The following SLC2A9 variants were observed in gnomAD, a reference collection of about 807,000 sequenced individuals.
SLC2A9 encodes the protein solute carrier family 2 member 9, also known as solute carrier family 2, facilitated glucose transporter member 9.
In SLC2A9, 39 loss-of-function variants were observed where a neutral mutation model predicts 50.6. The ratio of observed to expected loss-of-function variants is 0.77; its 90% CI spans 0.60 to 1.01. The LOEUF (loss-of-function observed/expected upper bound fraction) is 1.01. Ranked by LOEUF, SLC2A9 falls within the 50% of genes least tolerant of loss-of-function variation. SLC2A9 has a pLI of 0.00. For synonymous variants in SLC2A9, 324 were observed against 276.9 expected (o/e 1.17, Z -1.69); for missense variants, 686 against 677.6 (o/e 1.01, Z -0.14).
At chr4:9,859,901 C>G (rs1731340525) in intron 10 of SLC2A9, among the ~76,000 whole-genome samples, 1 of 152,168 alleles carries the variant, frequency 6.6e-6, no homozygotes, top group African/African-American at 2.4e-5. Context: ...CTCTGCAAGG[C>G]CGAACCATTT....
At position 9,950,509 on chromosome 4, in the gene SLC2A9, T is replaced by C. The variant is rs542634750; in HGVS notation, c.682-8464A>G. ...CAATCTTATGGGAAAAAATGCTCAA[T>C]ATCACTAATCATCAGAGAAATGGAA... On this transcript the variant is annotated intron_variant, in intron 5 of 11. Coordinates refer to ENST00000264784, the MANE Select transcript of SLC2A9 (RefSeq NM_020041.3). Among the ~76,000 whole-genome samples the C allele has an allele frequency of 4.6e-5, 7 of 152,146 alleles. No individual in the cohort carries two copies. The South Asian group carries it at 1.2e-3, about 27-fold the overall frequency.
intron 2 of SLC2A9, among the ~76,000 whole-genome samples, chr4:10,018,195 C>G (rs1326032384): frequency 2.0e-5 from 3 of 152,154 alleles, no homozygotes; most frequent in Non-Finnish European, 4.4e-5. Context: ...AAAACACAAG[C>G]CAAAGATGGG....
chr4:9,923,964 G>T (rs972188942), intron 6 of SLC2A9: 1 of 152,152 alleles, frequency 6.6e-6, no homozygotes, highest in Non-Finnish European at 1.5e-5. Flanking sequence ...TTTCCTGGCT[G>T]GACGACAAGG....
intron 3 of SLC2A9, among the ~76,000 whole-genome samples, chr4:9,820,979 T>C (rs2109043995): frequency 6.6e-6 from 1 of 152,352 alleles, no homozygotes; most frequent in South Asian, 2.1e-4. Flanking sequence ...ATAGAGGCAG[T>C]GATAGAAAAT....
intron 10 of SLC2A9, among the ~76,000 whole-genome samples, chr4:9,848,119 C>T (rs1729266952): frequency 1.3e-5 from 2 of 152,116 alleles, no homozygotes; most frequent in Admixed American, 1.3e-4. Flanking sequence ...TGTGTCCTCC[C>T]TAGGAATTCC....
intron 6 of SLC2A9, among the ~76,000 whole-genome samples, chr4:9,925,481 G>A (rs1259907137): frequency 1.3e-5 from 2 of 152,110 alleles, no homozygotes; most frequent in East Asian, 1.9e-4. Context: ...GAGCAACCTG[G>A]GCTTCACACC....
At chr4:9,919,725 T>C (rs1401770205) in intron 7 of SLC2A9, among the ~76,000 whole-genome samples, 1 of 152,198 alleles carries the variant, frequency 6.6e-6, no homozygotes, top group Non-Finnish European at 1.5e-5. Context: ...ATTTGCACAC[T>C]TCCATAGATG....
intron 10 of SLC2A9, among the ~76,000 whole-genome samples, chr4:9,871,001 T>TAGCTCATTGCAATCTTAGCTCATTG (rs1733344259): frequency 6.6e-6 from 1 of 152,160 alleles, no homozygotes; most frequent in Admixed American, 6.5e-5. Flanking sequence ...ATTGCAACCT[T>TAGCTCATTGCAATCTTAGCTCATTG]CAACTCCTGG....
intron 10 of SLC2A9, among the ~76,000 whole-genome samples, chr4:9,861,372 G>C (rs964668467): frequency 5.3e-5 from 8 of 152,076 alleles, no homozygotes; most frequent in South Asian, 4.2e-4. Context: ...GACAGTACAG[G>C]GGGGATGGTG....
At chr4:9,865,372 T>C (rs946896588) in intron 10 of SLC2A9, among the ~76,000 whole-genome samples, 4 of 152,242 alleles carry the variant, frequency 2.6e-5, no homozygotes, top group African/African-American at 4.8e-5. Context: ...TAGTAAGTCA[T>C]GTAATGGCAT....
intron 3 of SLC2A9, among the ~76,000 whole-genome samples, chr4:9,990,759 C>A (rs1300744585): frequency 6.6e-6 from 1 of 152,204 alleles, no homozygotes; most frequent in African/African-American, 2.4e-5. Context: ...GTCTTCTGGT[C>A]TTATCTACCA....
chr4:10,023,714 T>A (rs1443974609), upstream of SLC2A9, among the ~76,000 whole-genome samples: 1 of 152,200 alleles, frequency 6.6e-6, no homozygotes, highest in Non-Finnish European at 1.5e-5. Flanking sequence ...TGTGCACAGC[T>A]CATGTTACAT....
At chr4:9,911,509 C>A (rs572902430) in intron 7 of SLC2A9, among the ~76,000 whole-genome samples, 1 of 152,284 alleles carries the variant, frequency 6.6e-6, no homozygotes, top group East Asian at 1.9e-4. Flanking sequence ...CCGCCAGCCC[C>A]CACGGTGTGT....
intron 6 of SLC2A9, 136 bp downstream of exon 6, chr4:9,941,777 G>A: frequency 7.9e-7 from 1 of 1,269,940 alleles, no homozygotes; most frequent in Admixed American, 2.0e-5. Context: ...GGTACCCTAT[G>A]ATACCCAGCC....
At chr4:9,968,938 C>T (rs1245963541) in intron 5 of SLC2A9, among the ~76,000 whole-genome samples, 2 of 152,028 alleles carry the variant, frequency 1.3e-5, no homozygotes, top group Non-Finnish European at 1.5e-5. Context: ...ATAATTATCA[C>T]TCTAATTAAA....
At chr4:9,803,607 T>A (rs917711157) in intron 3 of SLC2A9, among the ~76,000 whole-genome samples, 1 of 152,190 alleles carries the variant, frequency 6.6e-6, no homozygotes, top group Non-Finnish European at 1.5e-5. Context: ...GAAACCTTCA[T>A]TGACAGCTAT....
In SLC2A9 at chr4:9,908,259, G is replaced by A. The variant is rs768651091; in HGVS notation, c.1089C>T (p.Ile363=). The A allele has an allele frequency of 6.2e-6, 10 of 1,613,856 alleles. No homozygotes were observed. In the East Asian group the frequency reaches 1.1e-4, roughly 18 times the overall value. The part of the protein sequence containing the change: ...IPYVTLSTGG[I]ETLAAVFSGL... The stretch of plus-strand genomic sequence containing the variant: ...CAGAGAAGACGGCAGCCAAAGTCTC[G>A]ATGCCCCCTGTACTCAAGGTGACGT... Residue 363 remains isoleucine, a synonymous_variant, in exon 8 of 12, where the codon ATC becomes ATT. Coordinates refer to ENST00000264784, the MANE Select transcript of SLC2A9 (RefSeq NM_020041.3).
downstream of SLC2A9, among the ~76,000 whole-genome samples, chr4:9,796,607 A>G (rs1720626980): frequency 6.6e-6 from 1 of 152,210 alleles, no homozygotes; most frequent in African/African-American, 2.4e-5. Context: ...TGATGATGCT[A>G]CATAACAAGT....
intron 5 of SLC2A9, among the ~76,000 whole-genome samples, chr4:9,958,449 C>A (rs1291288664): frequency 4.6e-5 from 7 of 152,100 alleles, no homozygotes; most frequent in Admixed American, 2.0e-4. Context: ...ACAATGAGAA[C>A]ACATGGACAC....
Sources: allele counts gnomAD v4.1 joint callset (sites outside exome capture counted in the v4.1 genomes callset), GRCh38; gene constraint gnomAD v4.1.1; transcripts MANE v1.5; gene names NCBI Gene and HGNC (gene_info 2026-07-23, HGNC 2026-07-21).